The following IL1R1 variants were observed in gnomAD, a reference collection of about 807,000 sequenced individuals.
The protein encoded by IL1R1 is interleukin-1 receptor type 1.
IL1R1 carries 22 observed loss-of-function variants against 50.2 expected under a neutral mutation model. The observed-to-expected ratio is 0.44, with a 90% confidence interval of 0.31 to 0.63. The LOEUF is 0.63. IL1R1 is among the 20% of genes least tolerant of loss of function. The pLI is 0.07. For missense variants in IL1R1, 509 were observed against 676.2 expected (o/e 0.75, Z 2.74); for synonymous variants, 251 against 236.7 (o/e 1.06, Z -0.55).
At chr2:102,084,045 G>T (rs893372487) in intron 1 of IL1R1, among the ~76,000 whole-genome samples, 8 of 151,954 alleles carry the variant, frequency 5.3e-5, no homozygotes, top group African/African-American at 1.9e-4. Context: ...GCCTCATAGC[G>T]ACTCTGAATC....
intron 1 of IL1R1, among the ~76,000 whole-genome samples, chr2:102,110,487 A>G (rs1354373574): frequency 1.4e-5 from 2 of 147,466 alleles, no homozygotes; most frequent in African/African-American, 5.0e-5. Context: ...GTTTGAAAGA[A>G]TGCCTCTCCA....
At chr2:102,114,308 T>C (rs1425609668) in intron 1 of IL1R1, among the ~76,000 whole-genome samples, 2 of 152,244 alleles carry the variant, frequency 1.3e-5, no homozygotes, top group African/African-American at 2.4e-5. Flanking sequence ...TTAAACACAC[T>C]GCGTGGAATG....
chr2:102,166,822 C>T (rs995067001), intron 6 of IL1R1, among the ~76,000 whole-genome samples: 6 of 152,124 alleles, frequency 3.9e-5, no homozygotes, highest in Non-Finnish European at 7.3e-5. Flanking sequence ...ATGGGGTACA[C>T]GAAACTTGTG....
Position 102,164,845 on chromosome 2 carries a change from C to A in IL1R1, c.133C>A (p.Pro45Thr). 1 of 1,614,018 alleles carries A rather than the reference C, an allele frequency of 6.2e-7. No homozygotes were observed. The highest frequency in any genetic ancestry group is 1.1e-5 in the South Asian group (1 of 91,076). The change falls in exon 4 of 12, where the codon CCT becomes ACT. Residue 45 changes from proline (P) to threonine (T), a missense_variant. Physicochemically the swap from Pro to Thr is conservative, Grantham distance 38 (BLOSUM62 -1). Transcript: ENST00000410023. ...SANEIDVRPC[P>T]LNPNEHKGTI... ...AAATGAAATTGATGTTCGTCCCTGT[C>A]CTCTTAACCCAAATGAACACAAAGG...
At chr2:102,071,880 G>A (rs564967901) in intron 1 of IL1R1, among the ~76,000 whole-genome samples, 4 of 152,278 alleles carry the variant, frequency 2.6e-5, no homozygotes, top group African/African-American at 7.2e-5. Flanking sequence ...GCCATCTTCC[G>A]AGGAAGCACC....
chr2:102,168,963 G>A (rs556798284), intron 7 of IL1R1, among the ~76,000 whole-genome samples: 1 of 151,806 alleles, frequency 6.6e-6, no homozygotes, highest in East Asian at 1.9e-4. Context: ...GACTGGTACA[G>A]GATTGGATTT....
intron 3 of IL1R1, among the ~76,000 whole-genome samples, chr2:102,164,176 C>T (rs932023236): frequency 2.0e-5 from 3 of 152,052 alleles, no homozygotes; most frequent in African/African-American, 7.2e-5. Flanking sequence ...TCTCAGTTAT[C>T]CCAAGACTCT....
intron 1 of IL1R1, among the ~76,000 whole-genome samples, chr2:102,093,855 G>A (rs998929717): frequency 1.8e-4 from 21 of 115,454 alleles, no homozygotes; most frequent in Non-Finnish European, 3.0e-4. Context: ...AGACACGCGC[G>A]GGGCAGCAGG....
intron 1 of IL1R1, among the ~76,000 whole-genome samples, chr2:102,073,564 A>G (rs1355836461): frequency 3.3e-5 from 5 of 152,224 alleles, no homozygotes; most frequent in African/African-American, 1.2e-4. Flanking sequence ...TCAGAAGTCC[A>G]TGTGCCTCTT....
At chr2:102,097,984 T>C (rs1240810881) in intron 1 of IL1R1, among the ~76,000 whole-genome samples, 2 of 152,024 alleles carry the variant, frequency 1.3e-5, no homozygotes, top group African/African-American at 4.8e-5. Flanking sequence ...AATAAAATCA[T>C]ATTTCAACTT....
intron 5 of IL1R1, among the ~76,000 whole-genome samples, chr2:102,165,898 A>G (rs1420807380): frequency 6.6e-6 from 1 of 152,214 alleles, no homozygotes; most frequent in Non-Finnish European, 1.5e-5. Context: ...ACTTCATAGT[A>G]CAAGTCTCAT....
intron 1 of IL1R1, among the ~76,000 whole-genome samples, chr2:102,133,459 A>T (rs1420753648): frequency 6.6e-6 from 1 of 152,206 alleles, no homozygotes; most frequent in Non-Finnish European, 1.5e-5. Context: ...AGGACATTAC[A>T]TGGAAAGTAC....
chr2:102,150,263 C>T (rs1209736724), intron 1 of IL1R1, among the ~76,000 whole-genome samples: 4 of 152,212 alleles, frequency 2.6e-5, no homozygotes, highest in African/African-American at 9.6e-5. Context: ...CAGCCCCTCT[C>T]TCCCCAGCTG....
intron 1 of IL1R1, among the ~76,000 whole-genome samples, chr2:102,119,461 A>G (rs966270462): frequency 3.3e-5 from 5 of 152,222 alleles, no homozygotes; most frequent in Admixed American, 6.5e-5. Context: ...CAATGATGCA[A>G]TTTCAGAATG....
intron 1 of IL1R1, among the ~76,000 whole-genome samples, chr2:102,108,243 G>GT (rs1680534409): frequency 2.7e-4 from 16 of 59,930 alleles, no homozygotes; most frequent in African/African-American, 6.5e-4. Flanking sequence ...TGTGTGTGTG[G>GT]GGGGGGGTGT....
At chr2:102,131,656 AC>A (rs1392229456) in intron 1 of IL1R1, among the ~76,000 whole-genome samples, 1 of 151,642 alleles carries the variant, frequency 6.6e-6, no homozygotes, top group Non-Finnish European at 1.5e-5. Context: ...ATAAAAAAAA[AC>A]CACAGAGGAG....
intron 1 of IL1R1, among the ~76,000 whole-genome samples, chr2:102,147,160 G>T (rs531648110): frequency 6.6e-6 from 1 of 152,224 alleles, no homozygotes; most frequent in African/African-American, 2.4e-5. Context: ...TGGCAGAAAT[G>T]GTCTACATCC....
At chr2:102,129,549 C>G (rs1041481055) in intron 1 of IL1R1, among the ~76,000 whole-genome samples, 1 of 152,160 alleles carries the variant, frequency 6.6e-6, no homozygotes, top group East Asian at 1.9e-4. Context: ...TTTGTACCCC[C>G]TAAAGGAGCA....
At chr2:102,157,216 T>C (rs898798006) in intron 2 of IL1R1, among the ~76,000 whole-genome samples, 1 of 152,168 alleles carries the variant, frequency 6.6e-6, no homozygotes, top group African/African-American at 2.4e-5. Context: ...TGTAGCTATA[T>C]CCTATTGTAC....
Sources: gnomAD v4.1 joint callset for allele counts (sites outside exome capture counted in the v4.1 genomes callset) on GRCh38, gnomAD v4.1.1 for gene constraint, MANE v1.5 for transcripts, NCBI Gene and HGNC (gene_info 2026-07-23, HGNC 2026-07-21) for gene names.